The following WWOX variants were observed in gnomAD, a reference collection of about 807,000 sequenced individuals.
The protein encoded by WWOX is WW domain-containing oxidoreductase.
Under a neutral mutation model 46.2 loss-of-function variants are expected in WWOX, and 69 were observed. The observed-to-expected ratio is 1.49, with a 90% CI of 1.23 to 1.82. The LOEUF (loss-of-function observed/expected upper bound fraction) is 1.82. Ranked by LOEUF, WWOX falls within the 40% of genes most tolerant of loss-of-function variation. WWOX has a pLI of 0.00. For missense variants in WWOX, 919 were observed against 542.6 expected (o/e 1.69, Z -6.89); for synonymous variants, 359 against 202.6 (o/e 1.77, Z -6.56).
At chr16:78,600,218 C>G (rs1403995075) in intron 8 of WWOX, among the ~76,000 whole-genome samples, 4 of 152,026 alleles carry the variant, frequency 2.6e-5, no homozygotes, top group Admixed American at 2.0e-4. Flanking sequence ...GGCCCTCCCA[C>G]AACACATGGG....
At chr16:78,901,169 T>A (rs1597126404) in intron 8 of WWOX, among the ~76,000 whole-genome samples, 1 of 152,264 alleles carries the variant, frequency 6.6e-6, no homozygotes, top group East Asian at 1.9e-4. Context: ...AGAGTTCGGG[T>A]TCCTTCCTAT....
At chr16:78,258,375 A>G (rs1177392824) in intron 5 of WWOX, among the ~76,000 whole-genome samples, 3 of 152,156 alleles carry the variant, frequency 2.0e-5, no homozygotes, top group African/African-American at 7.2e-5. Context: ...TAATGCCAAC[A>G]TGTTCTTTTT....
chr16:78,524,124 T>A (rs897616446), intron 8 of WWOX, among the ~76,000 whole-genome samples: 2 of 152,208 alleles, frequency 1.3e-5, no homozygotes, highest in Non-Finnish European at 2.9e-5. Flanking sequence ...AACATCACTT[T>A]GTAATTCTCT....
In WWOX at chr16:78,255,042, A is replaced by T. The variant is rs184290778; in HGVS notation, c.516+90753A>T. 5.9e-5 allele frequency among the ~76,000 whole-genome samples: 9 copies of T among 152,270 alleles called. No individual in the cohort carries two copies. The East Asian group carries it at 1.7e-3, about 29-fold the overall frequency. On this transcript the variant is annotated intron_variant, in intron 5 of 8. Coordinates refer to ENST00000566780, the MANE Select transcript of WWOX (RefSeq NM_016373.4). ...GGATGTGTTTCCAGCACAGTTTCCA[A>T]CATGTGCCACCCATGGCTTCCCCTT... is the stretch of plus-strand genomic sequence containing the variant.
chr16:78,994,479 AC>A (rs2046948767), intron 8 of WWOX: 1 of 152,006 alleles, frequency 6.6e-6, no homozygotes, highest in South Asian at 2.1e-4. Context: ...AAAAATTATG[AC>A]TCCGGCACCG....
intron 8 of WWOX, among the ~76,000 whole-genome samples, chr16:79,020,547 C>A (rs982540025): frequency 6.6e-6 from 1 of 152,156 alleles, no homozygotes; most frequent in African/African-American, 2.4e-5. Context: ...GCACATACAA[C>A]ACAATCTATA....
At chr16:78,981,484 C>T (rs918825705) in intron 8 of WWOX, among the ~76,000 whole-genome samples, 4 of 151,012 alleles carry the variant, frequency 2.6e-5, no homozygotes, top group Non-Finnish European at 5.9e-5. Flanking sequence ...GTCATCCAGG[C>T]TGGCATGCAG....
chr16:78,373,033 A>C (rs1417362352), intron 5 of WWOX, among the ~76,000 whole-genome samples: 1 of 152,170 alleles, frequency 6.6e-6, no homozygotes, highest in Non-Finnish European at 1.5e-5. Context: ...CTCCAGAATC[A>C]ATTGACTTTT....
intron 8 of WWOX, among the ~76,000 whole-genome samples, chr16:78,615,676 T>C (rs1433477513): frequency 6.7e-6 from 1 of 149,828 alleles, no homozygotes; most frequent in Non-Finnish European, 1.5e-5. Flanking sequence ...ATGAAATAAA[T>C]AAATACATAA....
At chr16:78,167,633 C>G (rs11150045) in intron 5 of WWOX, 36,343 of 152,036 alleles carry the variant, frequency 0.24, 4,472 homozygotes, top group Non-Finnish European at 0.28. Context: ...CTTGTTCTCT[C>G]TGTATGCCAT....
chr16:78,547,866 A>G (rs1266618306), intron 8 of WWOX, among the ~76,000 whole-genome samples: 3 of 152,072 alleles, frequency 2.0e-5, no homozygotes, highest in Non-Finnish European at 4.4e-5. Flanking sequence ...AAATTTCAAC[A>G]TATGGCTGGG....
At chr16:78,244,045 T>C (rs1039430075) in intron 5 of WWOX, among the ~76,000 whole-genome samples, 1 of 152,194 alleles carries the variant, frequency 6.6e-6, no homozygotes, top group African/African-American at 2.4e-5. Context: ...CGGCTTAGCC[T>C]GTGGTGGAAG....
chr16:78,496,505 C>T (rs2084922769), intron 8 of WWOX: 1 of 152,220 alleles, frequency 6.6e-6, no homozygotes, highest in Admixed American at 6.5e-5. Flanking sequence ...TTTCAATTAA[C>T]TTGACCACTA....
chr16:79,087,976 C>T (rs1294905692), intron 8 of WWOX, among the ~76,000 whole-genome samples: 1 of 152,176 alleles, frequency 6.6e-6, no homozygotes, highest in Non-Finnish European at 1.5e-5. Flanking sequence ...CTACCATCTC[C>T]TTGGCTTCTC....
intron 8 of WWOX, among the ~76,000 whole-genome samples, chr16:78,649,390 C>A (rs2046915720): frequency 6.6e-6 from 1 of 152,156 alleles, no homozygotes; most frequent in Non-Finnish European, 1.5e-5. Flanking sequence ...CTCAAGCGAT[C>A]TTCCCACCTC....
intron 5 of WWOX, among the ~76,000 whole-genome samples, chr16:78,195,208 C>T (rs1335703472): frequency 6.6e-6 from 1 of 152,174 alleles, no homozygotes; most frequent in East Asian, 1.9e-4. Flanking sequence ...CTGGGAGGGA[C>T]AGCTTGAGCA....
At chr16:78,579,265 A>G (rs1402329583) in intron 8 of WWOX, among the ~76,000 whole-genome samples, 3 of 152,094 alleles carry the variant, frequency 2.0e-5, no homozygotes, top group Non-Finnish European at 4.4e-5. Flanking sequence ...CGTCAAGGAG[A>G]TAAGTACTTA....
chr16:78,628,102 C>CT (rs1246127614), intron 8 of WWOX, among the ~76,000 whole-genome samples: 1 of 152,098 alleles, frequency 6.6e-6, no homozygotes, highest in African/African-American at 2.4e-5. Flanking sequence ...GATAGTGGCC[C>CT]TACAGTGGAA....
intron 8 of WWOX, among the ~76,000 whole-genome samples, chr16:79,076,464 A>G (rs969048609): frequency 3.3e-5 from 5 of 152,126 alleles, no homozygotes; most frequent in East Asian, 1.9e-4. Flanking sequence ...TTTTCACAGC[A>G]TTCAAAAAAA....
Sources: allele counts gnomAD v4.1 joint callset (sites outside exome capture counted in the v4.1 genomes callset), GRCh38; gene constraint gnomAD v4.1.1; transcripts MANE v1.5; gene names NCBI Gene and HGNC (gene_info 2026-07-23, HGNC 2026-07-21).